Variants in MSL2 observed in about 807,000 individuals in gnomAD.
The protein encoded by MSL2 is E3 ubiquitin-protein ligase MSL2.
A neutral mutation model predicts 35.8 loss-of-function variants in MSL2; 2 were observed. That is an observed-to-expected ratio of 0.06 (90% CI 0.02 to 0.18). The LOEUF (loss-of-function observed/expected upper bound fraction) is 0.18. Ranked by LOEUF, MSL2 falls within the 10% of genes least tolerant of loss-of-function variation. The pLI, the probability that MSL2 is intolerant of heterozygous loss-of-function variation, is 1.00. For synonymous variants in MSL2, 296 were observed against 255.7 expected (o/e 1.16, Z -1.50); for missense variants, 523 against 706.7 (o/e 0.74, Z 2.95).
chr3:136,192,432 G>C (rs1343321954), intron 1 of MSL2, among the ~76,000 whole-genome samples: 1 of 152,132 alleles, frequency 6.6e-6, no homozygotes, highest in African/African-American at 2.4e-5. Context: ...GCCCACCTTG[G>C]CCTCCCAAAG....
chr3:136,189,496 G>C (rs1940622271), intron 1 of MSL2, among the ~76,000 whole-genome samples: 1 of 148,258 alleles, frequency 6.7e-6, no homozygotes. Context: ...AGGCGGAGTC[G>C]GGCGGATCAC....
At chr3:136,182,076 C>T (rs1355844108) in intron 1 of MSL2, among the ~76,000 whole-genome samples, 2 of 151,982 alleles carry the variant, frequency 1.3e-5, no homozygotes, top group Non-Finnish European at 2.9e-5. Flanking sequence ...GTTTTAAGAA[C>T]AAATCTAAGT....
At chr3:136,162,184 C>T (rs1939725764) in intron 1 of MSL2, among the ~76,000 whole-genome samples, 1 of 151,576 alleles carries the variant, frequency 6.6e-6, no homozygotes, top group African/African-American at 2.4e-5. Context: ...GATCCACACA[C>T]CTCAGCCTCC....
chr3:136,178,180 ATAAC>A (rs1349477221), intron 1 of MSL2, among the ~76,000 whole-genome samples: 2 of 152,232 alleles, frequency 1.3e-5, no homozygotes, highest in Non-Finnish European at 2.9e-5. Flanking sequence ...GTTTATCTTA[ATAAC>A]TAAGTAGGGG....
At chr3:136,179,107 C>T (rs1012416003) in intron 1 of MSL2, among the ~76,000 whole-genome samples, 11 of 151,660 alleles carry the variant, frequency 7.3e-5, no homozygotes. Flanking sequence ...CCCACCTCAG[C>T]CTCCCAATTA....
chr3:136,170,357 A>AAAAAAAAC (rs1939990128), intron 1 of MSL2, among the ~76,000 whole-genome samples: 1 of 151,392 alleles, frequency 6.6e-6, no homozygotes, highest in Non-Finnish European at 1.5e-5. Flanking sequence ...CCCTCTCAAA[A>AAAAAAAAC]AAAAAAAACC....
intron 1 of MSL2, among the ~76,000 whole-genome samples, chr3:136,169,671 A>C (rs1939962730): frequency 6.6e-6 from 1 of 151,820 alleles, no homozygotes; most frequent in African/African-American, 2.4e-5. Flanking sequence ...GGTGGTCTTG[A>C]ACTCCTCCTG....
chr3:136,172,091 G>C (rs147350312), intron 1 of MSL2, among the ~76,000 whole-genome samples: 1 of 152,100 alleles, frequency 6.6e-6, no homozygotes, highest in Non-Finnish European at 1.5e-5. Flanking sequence ...GATTACAGGC[G>C]TGAGCCACCG....
Position 136,152,683 on chromosome 3 carries a change from G to A in MSL2, c.198C>T (p.Val66=). 6.2e-7 allele frequency: 1 copy of A among 1,614,150 alleles called. No individual in the cohort carries two copies. Among genetic ancestry groups the A allele is most frequent in the Non-Finnish European group, 8.5e-7 (1 of 1,180,024 alleles). ...APTNSTCQHY[V]CKTCKGKKMM... is the part of the protein sequence containing the mutation. ...TTTTCTTGCCTTTACAAGTTTTGCAGACATAATGTTGGCAGGTGGAGTTGG... is the reference window on the plus strand; with the variant it reads ...TTTTCTTGCCTTTACAAGTTTTGCAAACATAATGTTGGCAGGTGGAGTTGG... Residue 66 remains valine (V), a synonymous_variant, in exon 2 of 2, where the codon GTC becomes GTT. Transcript: ENST00000309993.
intron 1 of MSL2, among the ~76,000 whole-genome samples, chr3:136,184,763 G>GA (rs1940468803): frequency 2.5e-5 from 2 of 81,212 alleles, no homozygotes; most frequent in African/African-American, 5.1e-5. Context: ...GGGGGGGGGG[G>GA]ACAAAGGTCA....
chr3:136,155,562 G>A, intron 1 of MSL2: 1 of 269,808 alleles, frequency 3.7e-6, no homozygotes, highest in Admixed American at 4.2e-5. Flanking sequence ...ATCTCAGGGA[G>A]ACCTGGCCTT....
intron 1 of MSL2, among the ~76,000 whole-genome samples, chr3:136,153,801 G>A (rs1033498667): frequency 4.7e-5 from 7 of 147,406 alleles, no homozygotes; most frequent in African/African-American, 1.5e-4. Context: ...AAAAAAAAAA[G>A]GCCAGGTGTG....
At chr3:136,176,515 C>CAAAAAAAAA (rs771021498) in intron 1 of MSL2, among the ~76,000 whole-genome samples, 2 of 54,154 alleles carry the variant, frequency 3.7e-5, no homozygotes, top group African/African-American at 1.3e-4. Flanking sequence ...GACCCTCTCT[C>CAAAAAAAAA]AAAAAAAAAA....
intron 1 of MSL2, among the ~76,000 whole-genome samples, chr3:136,183,035 CTCCAAGT>C (rs1225005585): frequency 6.6e-6 from 1 of 152,174 alleles, no homozygotes; most frequent in Non-Finnish European, 1.5e-5. Context: ...ATCAAACAGT[CTCCAAGT>C]AACTTAGCCT....
chr3:136,152,652 T>C lies in MSL2; in HGVS notation c.229A>G (p.Met77Val). Residue 77 changes from methionine to valine, a missense_variant, in exon 2 of 2, where the codon ATG becomes GTG. Met to Val is a conservative substitution (Grantham distance 21, BLOSUM62 1). Transcript: ENST00000309993. ...TTGCACCAGCTACAGGAAGGTTTCATCATCATTTTCTTGCCTTTACAAGTT... is the reference window on the plus strand; with the variant it reads ...TTGCACCAGCTACAGGAAGGTTTCACCATCATTTTCTTGCCTTTACAAGTT... ...CKTCKGKKMMMKPSCSWCKDY... is the reference protein window; with the variant it reads ...CKTCKGKKMMVKPSCSWCKDY... The C allele has an allele frequency of 6.2e-7, 1 of 1,614,222 alleles. No homozygotes were observed. The highest frequency in any genetic ancestry group is 8.5e-7 in the Non-Finnish European group (1 of 1,180,040).
chr3:136,155,588 T>G (rs976639722), intron 1 of MSL2: 23 of 320,010 alleles, frequency 7.2e-5, no homozygotes, highest in Non-Finnish European at 1.4e-4. Context: ...ATGACAGCAT[T>G]CAACCCCAAG....
At chr3:136,166,178 C>T (rs1025412103) in intron 1 of MSL2, among the ~76,000 whole-genome samples, 1 of 151,048 alleles carries the variant, frequency 6.6e-6, no homozygotes, top group African/African-American at 2.4e-5. Flanking sequence ...CACTTGAGGT[C>T]AGGAGTTCAA....
intron 1 of MSL2, among the ~76,000 whole-genome samples, chr3:136,164,512 G>C (rs1255999148): frequency 1.3e-5 from 2 of 152,096 alleles, no homozygotes; most frequent in Non-Finnish European, 2.9e-5. Flanking sequence ...TTTCCCCAAG[G>C]GTTCTCTATA....
At chr3:136,183,313 T>TG (rs2108089011) in intron 1 of MSL2, among the ~76,000 whole-genome samples, 1 of 152,334 alleles carries the variant, frequency 6.6e-6, no homozygotes, top group African/African-American at 2.4e-5. Flanking sequence ...CCCAGCACTT[T>TG]GGGAGGCCAA....
Sources: gnomAD v4.1 joint callset for allele counts (sites outside exome capture counted in the v4.1 genomes callset) on GRCh38, gnomAD v4.1.1 for gene constraint, MANE v1.5 for transcripts, NCBI Gene and HGNC (gene_info 2026-07-23, HGNC 2026-07-21) for gene names.